LCLAT1: variants seen among roughly 807,000 people sequenced by gnomAD.
The protein encoded by LCLAT1 is 1-AGP acyltransferase 8.
In LCLAT1, 11 loss-of-function variants were observed where a neutral mutation model predicts 30.7. The ratio of observed to expected loss-of-function variants is 0.36; its 90% CI spans 0.23 to 0.59. The LOEUF (loss-of-function observed/expected upper bound fraction) is 0.59, where lower values mean the gene tolerates loss of function less well. Among genes scored for constraint, LCLAT1 ranks in the 20% least tolerant of loss-of-function variants. The pLI is 0.77. For synonymous variants in LCLAT1, 155 were observed against 151.3 expected, an observed-to-expected ratio of 1.02 and a Z score of -0.18; for missense variants, 402 against 458.6, an observed-to-expected ratio of 0.88 and a Z score of 1.13.
intron 2 of LCLAT1, among the ~76,000 whole-genome samples, chr2:30,528,482 A>G (rs1685835706): frequency 6.6e-6 from 1 of 152,236 alleles, no homozygotes; most frequent in Non-Finnish European, 1.5e-5. Context: ...AATAGGAAAT[A>G]TGAGTGGTTC....
At chr2:30,634,354 G>A (rs1056056051) in intron 5 of LCLAT1, among the ~76,000 whole-genome samples, 16 of 152,138 alleles carry the variant, frequency 1.1e-4, no homozygotes, top group East Asian at 1.9e-4. Flanking sequence ...GGCCATGCGC[G>A]GCGGCTCACG....
At chr2:30,506,771 C>T (rs527620032) in intron 1 of LCLAT1, among the ~76,000 whole-genome samples, 3 of 152,274 alleles carry the variant, frequency 2.0e-5, no homozygotes, top group African/African-American at 4.8e-5. Flanking sequence ...CTTGCATACA[C>T]TCTTTAACAG....
At chr2:30,498,338 A>C (rs1029990634) in intron 1 of LCLAT1, among the ~76,000 whole-genome samples, 2 of 152,226 alleles carry the variant, frequency 1.3e-5, no homozygotes, top group African/African-American at 4.8e-5. Flanking sequence ...GCCTGGGACC[A>C]ATCAGGGGCT....
rs375548703 is a variant in LCLAT1, at chr2:30,518,051, A to G, written c.-4-7536A>G. Among the ~76,000 whole-genome samples the G allele has an allele frequency of 3.9e-5, 6 of 152,348 alleles. No individual in the cohort carries two copies. In the East Asian group the frequency reaches 1.2e-3, roughly 29 times the overall value. On this transcript the variant is annotated intron_variant, in intron 1 of 5. Coordinates refer to ENST00000379509, the MANE Select transcript of LCLAT1 (RefSeq NM_001002257.3). Reference sequence around the variant, plus strand: ...AACTGCTTTGCTAGCAGAAGAAAGTAGAAGAATAACTTTAGAGGAAACCTC... The same window carrying G: ...AACTGCTTTGCTAGCAGAAGAAAGTGGAAGAATAACTTTAGAGGAAACCTC...
At chr2:30,561,088 C>G (rs528645709) in intron 3 of LCLAT1, among the ~76,000 whole-genome samples, 15 of 151,956 alleles carry the variant, frequency 9.9e-5, no homozygotes, top group African/African-American at 1.5e-4. Flanking sequence ...ATTACAGGCA[C>G]CTGCCACCAC....
At chr2:30,581,397 G>C (rs1175801190) in intron 5 of LCLAT1, among the ~76,000 whole-genome samples, 1 of 152,134 alleles carries the variant, frequency 6.6e-6, no homozygotes, top group Non-Finnish European at 1.5e-5. Flanking sequence ...CCCATCTTAA[G>C]ACTCACACAG....
intron 1 of LCLAT1, among the ~76,000 whole-genome samples, chr2:30,515,179 C>T (rs1241190515): frequency 6.6e-6 from 1 of 152,204 alleles, no homozygotes; most frequent in East Asian, 1.9e-4. Flanking sequence ...ACCACTTTTC[C>T]TCCAAGAGTC....
chr2:30,606,076 A>C, intron 5 of LCLAT1: 1 of 1,257,464 alleles, frequency 8.0e-7, no homozygotes, highest in Non-Finnish European at 1.1e-6. Flanking sequence ...ATCACTGCTC[A>C]AGGAAATCAG....
At chr2:30,568,027 TTA>T (rs1340927205) in intron 4 of LCLAT1, 31 bp from the exon 5 acceptor site, 2 of 1,136,404 alleles carry the variant, frequency 1.8e-6, no homozygotes, top group Non-Finnish European at 2.6e-6. Context: ...TCCCTTTAGT[TTA>T]TGATTTATAA....
chr2:30,547,450 A>G (rs956694874), intron 3 of LCLAT1, among the ~76,000 whole-genome samples: 2 of 152,156 alleles, frequency 1.3e-5, no homozygotes, highest in Non-Finnish European at 1.5e-5. Context: ...CACACATCCT[A>G]TGACAGAGAA....
intron 5 of LCLAT1, among the ~76,000 whole-genome samples, chr2:30,602,920 AGGAACAGC>A (rs1667259735): frequency 1.3e-5 from 2 of 152,166 alleles, no homozygotes; most frequent in African/African-American, 2.4e-5. Flanking sequence ...ACTTTCTTCC[AGGAACAGC>A]GGAACAGTAA....
chr2:30,476,999 A>G (rs921318054), intron 1 of LCLAT1, among the ~76,000 whole-genome samples: 13 of 152,224 alleles, frequency 8.5e-5, no homozygotes, highest in African/African-American at 2.9e-4. Flanking sequence ...TTTTTGGCCC[A>G]TAAGGTATTT....
chr2:30,501,031 C>T (rs1055888636), intron 1 of LCLAT1, among the ~76,000 whole-genome samples: 3 of 151,898 alleles, frequency 2.0e-5, no homozygotes, highest in Admixed American at 6.6e-5. Context: ...TGACCAACTC[C>T]TCTTCCTTAC....
At chr2:30,479,020 G>T (rs1481600008) in intron 1 of LCLAT1, among the ~76,000 whole-genome samples, 1 of 152,000 alleles carries the variant, frequency 6.6e-6, no homozygotes, top group Non-Finnish European at 1.5e-5. Flanking sequence ...GTTCATAATG[G>T]CATTATTCAT....
chr2:30,490,649 C>T (rs1332988462), intron 1 of LCLAT1, among the ~76,000 whole-genome samples: 2 of 152,188 alleles, frequency 1.3e-5, no homozygotes, highest in Admixed American at 6.5e-5. Flanking sequence ...ACTTTAAATG[C>T]TTCATGTTGG....
rs745720629 is a variant in LCLAT1, at chr2:30,640,509, G to A, written c.1021G>A (p.Val341Ile). 1.2e-6 allele frequency: 2 copies of A among 1,614,102 alleles called. No individual in the cohort carries two copies. The highest frequency in any genetic ancestry group is 2.2e-5 in the East Asian group (1 of 44,874). The change falls in exon 6 of 6, where the codon GTA becomes ATA. Residue 341 changes from valine (V) to isoleucine (I), a missense_variant. Physicochemically the swap from Val to Ile is conservative, Grantham distance 29. Transcript: ENST00000379509. ...TAAGTGGTATTTTATAATCACCATT[G>A]TAATCTTTGTGCTGCAAGAGAGAAT... ...LVKWYFIITI[V>I]IFVLQERIFG...
At chr2:30,587,345 C>T (rs1166516003) in intron 5 of LCLAT1, among the ~76,000 whole-genome samples, 1 of 152,020 alleles carries the variant, frequency 6.6e-6, no homozygotes, top group Admixed American at 6.5e-5. Context: ...GATGTTGAGA[C>T]TGCGGGACGC....
rs1024944116 is a variant in LCLAT1, at chr2:30,464,286, A to G, written c.-5+16903A>G. Among the ~76,000 whole-genome samples the G allele has an allele frequency of 5.3e-5, 8 of 151,900 alleles. No homozygotes were observed. In the South Asian group the frequency reaches 6.2e-4, roughly 12 times the overall value. On this transcript the variant is annotated intron_variant, in intron 1 of 5. Transcript: ENST00000379509. Reference sequence around the variant, plus strand: ...ATTCTATAATGTTTTCATATTTTACATGTAACTCTTTAATTCATCTGGAAT... The same window carrying G: ...ATTCTATAATGTTTTCATATTTTACGTGTAACTCTTTAATTCATCTGGAAT...
intron 1 of LCLAT1, among the ~76,000 whole-genome samples, chr2:30,492,320 G>T (rs116744353): frequency 6.6e-6 from 1 of 152,192 alleles, no homozygotes; most frequent in Non-Finnish European, 1.5e-5. Flanking sequence ...TGTAGGAGGA[G>T]AGAACTGAGC....
Sources: allele counts gnomAD v4.1 joint callset (sites outside exome capture counted in the v4.1 genomes callset), GRCh38; gene constraint gnomAD v4.1.1; transcripts MANE v1.5; gene names NCBI Gene and HGNC (gene_info 2026-07-23, HGNC 2026-07-21).